FAM241A: variants seen among roughly 807,000 people sequenced by gnomAD.
The protein encoded by FAM241A is uncharacterized protein FAM241A.
A neutral mutation model predicts 12.2 loss-of-function variants in FAM241A; 7 were observed. The observed-to-expected ratio is 0.58, with a 90% CI of 0.33 to 1.08. The LOEUF is 1.08. Among genes scored for constraint, FAM241A ranks in the 50% least tolerant of loss-of-function variants. The probability of loss-of-function intolerance (pLI) is 0.04; values close to 1 mark genes in which losing one functional copy is unlikely to be tolerated. For missense variants in FAM241A, 161 were observed against 169.7 expected, an observed-to-expected ratio of 0.95 and a Z score of 0.29; for synonymous variants, 74 against 68.2, an observed-to-expected ratio of 1.08 and a Z score of -0.42.
intron 1 of FAM241A, among the ~76,000 whole-genome samples, chr4:112,177,135 G>A (rs1046329027): frequency 2.0e-5 from 3 of 151,918 alleles, no homozygotes; most frequent in South Asian, 2.1e-4. Context: ...GCTGCAAATA[G>A]CTTTACTTAA....
rs1724093905 is a variant in FAM241A, at chr4:112,188,634, G to A, written c.*1696G>A. ...GTTTTTATTAGTGCACAATAGAATT[G>A]TGAGGTTTTCAATAGATGTCATGAG... On this transcript the variant is annotated 3_prime_UTR_variant, in exon 2 of 2. Coordinates refer to ENST00000309733, the MANE Select transcript of FAM241A (RefSeq NM_152400.3). 6.6e-6 allele frequency: 1 copy of A among 152,080 alleles called. No homozygotes were observed. Among genetic ancestry groups the A allele is most frequent in the Admixed American group, 6.5e-5 (1 of 15,268 alleles). 9.4% of individuals were successfully genotyped at this position (152,080 alleles called of 1,614,324 possible).
intron 1 of FAM241A, among the ~76,000 whole-genome samples, chr4:112,179,332 G>T (rs1192254404): frequency 6.6e-6 from 1 of 152,132 alleles, no homozygotes; most frequent in Non-Finnish European, 1.5e-5. Flanking sequence ...TGATAGACTG[G>T]ATTAAGAAAA....
At chr4:112,175,839 C>T (rs1723809414) in intron 1 of FAM241A, among the ~76,000 whole-genome samples, 1 of 151,776 alleles carries the variant, frequency 6.6e-6, no homozygotes, top group Non-Finnish European at 1.5e-5. Flanking sequence ...CATCTTCAAC[C>T]AACACGTGGA....
chr4:112,191,090 T>G lies in FAM241A; in HGVS notation c.*4152T>G, dbSNP rs1724157870. ...GCGTGTCCAAACGAGCGCAGCATCC[T>G]TCTCCCAAATCTTTAATTCCTGTTT... On this transcript the variant is annotated 3_prime_UTR_variant, in exon 2 of 2. Transcript: ENST00000309733. The G allele has an allele frequency of 6.6e-6, 1 of 152,252 alleles. No individual in the cohort carries two copies. The allele number at this position is 152,252 out of a possible 1,614,324, so 9.4% of individuals were successfully genotyped here. A position where few individuals can be genotyped will look rare whatever the true frequency, so the allele number is the denominator to read the frequency against.
At chr4:112,157,729 C>T (rs143210028) in intron 1 of FAM241A, among the ~76,000 whole-genome samples, 1 of 152,146 alleles carries the variant, frequency 6.6e-6, no homozygotes, top group East Asian at 1.9e-4. Context: ...CAAAAAAACA[C>T]CCCAAACACT....
intron 1 of FAM241A, among the ~76,000 whole-genome samples, chr4:112,185,435 A>G (rs148158455): frequency 7.3e-4 from 111 of 152,316 alleles, no homozygotes; most frequent in African/African-American, 2.5e-3. Flanking sequence ...AAACTCTAGT[A>G]GTAGGCCCAG....
At chr4:112,157,790 T>A (rs1237867962) in intron 1 of FAM241A, among the ~76,000 whole-genome samples, 1 of 152,136 alleles carries the variant, frequency 6.6e-6, no homozygotes, top group Non-Finnish European at 1.5e-5. Context: ...ATTCCATACC[T>A]ATGTCTAGTT....
intron 1 of FAM241A, among the ~76,000 whole-genome samples, chr4:112,166,854 C>T (rs1333636919): frequency 1.3e-5 from 2 of 151,806 alleles, no homozygotes; most frequent in Non-Finnish European, 2.9e-5. Flanking sequence ...GTGGCTCACG[C>T]CTGTAATCCC....
chr4:112,164,074 TG>T (rs1167983390), intron 1 of FAM241A, among the ~76,000 whole-genome samples: 3 of 135,150 alleles, frequency 2.2e-5, no homozygotes, highest in African/African-American at 5.7e-5. Context: ...TGAGAACCCT[TG>T]GACACAGGGT....
chr4:112,151,694 T>C (rs1723247608), intron 1 of FAM241A, among the ~76,000 whole-genome samples: 1 of 152,196 alleles, frequency 6.6e-6, no homozygotes, highest in Admixed American at 6.5e-5. Flanking sequence ...AATATATACA[T>C]ATGAAGTTGT....
At chr4:112,162,915 A>G (rs1218651574) in intron 1 of FAM241A, among the ~76,000 whole-genome samples, 1 of 152,234 alleles carries the variant, frequency 6.6e-6, no homozygotes, top group Admixed American at 6.5e-5. Flanking sequence ...AAACTGTATT[A>G]CAAGGCTACA....
chr4:112,160,101 A>G (rs571217518), intron 1 of FAM241A, among the ~76,000 whole-genome samples: 11 of 152,294 alleles, frequency 7.2e-5, no homozygotes, highest in African/African-American at 2.6e-4. Flanking sequence ...CCAACACACA[A>G]AAATCAAAAT....
At chr4:112,162,111 C>A (rs541807064) in intron 1 of FAM241A, among the ~76,000 whole-genome samples, 4 of 152,084 alleles carry the variant, frequency 2.6e-5, no homozygotes, top group Middle Eastern at 3.2e-3. Context: ...ATTCAACAAC[C>A]CTTCATGCTA....
In FAM241A at chr4:112,187,253, C is replaced by T. The variant is rs1267855396; in HGVS notation, c.*315C>T. 1.7e-5 allele frequency: 4 copies of T among 233,532 alleles called. No individual in the cohort carries two copies. Among genetic ancestry groups the T allele is most frequent in the Non-Finnish European group, 2.5e-5 (3 of 121,108 alleles). 14.5% of individuals were successfully genotyped at this position (233,532 alleles called of 1,614,324 possible). ...ACCAGAAAGTGAACAGGGAAAATAA[C>T]AGGACATGGAATTCAAATCAAGCAA... On this transcript the variant is annotated 3_prime_UTR_variant, in exon 2 of 2. Coordinates refer to ENST00000309733, the MANE Select transcript of FAM241A (RefSeq NM_152400.3).
rs1183605165 is a variant in FAM241A at position 112,188,886 on chromosome 4, A to G, written c.*1948A>G. 2.6e-5 allele frequency: 4 copies of G among 152,178 alleles called. No homozygotes were observed. Among genetic ancestry groups the G allele is most frequent in the African/African-American group, 7.2e-5 (3 of 41,438 alleles). 9.4% of individuals were successfully genotyped at this position (152,178 alleles called of 1,614,324 possible). A position where few individuals can be genotyped will look rare whatever the true frequency, so the allele number is the denominator to read the frequency against. On this transcript the variant is annotated 3_prime_UTR_variant, in exon 2 of 2. Transcript: ENST00000309733. ...GTGTTAATAGGGTATATATTAAATT[A>G]TATAAAGAAATAAGATATTTTGCTG...
At chr4:112,181,555 A>G (rs1723943349) in intron 1 of FAM241A, among the ~76,000 whole-genome samples, 2 of 152,274 alleles carry the variant, frequency 1.3e-5, no homozygotes, top group Non-Finnish European at 2.9e-5. Context: ...ACAGGTAGAC[A>G]TTAATCAAAT....
At chr4:112,171,425 G>A in intron 1 of FAM241A, 2 of 771,866 alleles carry the variant, frequency 2.6e-6, no homozygotes, top group South Asian at 1.3e-5. Context: ...AGGCTTGAGT[G>A]TGTTGAGCCA....
At chr4:112,146,138 G>T (rs1412223149) in intron 1 of FAM241A, among the ~76,000 whole-genome samples, 1 of 152,194 alleles carries the variant, frequency 6.6e-6, no homozygotes, top group Non-Finnish European at 1.5e-5. Context: ...GGAGACGCCG[G>T]CTCCCCTCCC....
At chr4:112,151,030 C>T (rs1007862714) in intron 1 of FAM241A, among the ~76,000 whole-genome samples, 1 of 152,160 alleles carries the variant, frequency 6.6e-6, no homozygotes, top group Admixed American at 6.5e-5. Flanking sequence ...AAAAGCAGAA[C>T]AGCATTAATA....
Sources: gnomAD v4.1 joint callset for allele counts (sites outside exome capture counted in the v4.1 genomes callset) on GRCh38, gnomAD v4.1.1 for gene constraint, MANE v1.5 for transcripts, NCBI Gene and HGNC (gene_info 2026-07-23, HGNC 2026-07-21) for gene names.